The following DAB2IP variants were observed in gnomAD, a reference collection of about 807,000 sequenced individuals.
The protein encoded by DAB2IP is disabled homolog 2-interacting protein.
Under a neutral mutation model 107.2 loss-of-function variants are expected in DAB2IP, and 28 were observed. That is an observed-to-expected ratio of 0.26 (90% confidence interval 0.19 to 0.36). DAB2IP has a LOEUF of 0.36. Ranked by LOEUF, DAB2IP falls within the 10% of genes least tolerant of loss-of-function variation. DAB2IP has a pLI of 1.00. For synonymous variants in DAB2IP, 755 were observed against 706.4 expected (o/e 1.07, Z -1.09); for missense variants, 1,400 against 1,644.7 (o/e 0.85, Z 2.57).
Position 121,742,887 on chromosome 9 carries a change from A to G in DAB2IP, c.363-14126A>G, listed in dbSNP as rs984236774. On this transcript the variant is annotated intron_variant, in intron 3 of 15. Coordinates refer to ENST00000408936, the Ensembl canonical transcript of DAB2IP. ...CCGACCCCACAGGGTTCTGAGGCTC[A>G]AACTGAAAGCCTGGTGGTGGGGCAC... is the stretch of plus-strand genomic sequence containing the variant. 47 of 985,370 alleles carry G rather than the reference A, an allele frequency of 4.8e-5. 1 individual carries two copies. The highest frequency in any genetic ancestry group is 1.2e-5 in the Non-Finnish European group (10 of 829,960). 61.0% of individuals were successfully genotyped at this position (985,370 alleles called of 1,614,324 possible).
chr9:121,613,780 G>A (rs1040524750), intron 1 of DAB2IP, among the ~76,000 whole-genome samples: 1 of 152,222 alleles, frequency 6.6e-6, no homozygotes, highest in Non-Finnish European at 1.5e-5. Context: ...TGGGATAGTT[G>A]AAAAGACTCC....
intron 3 of DAB2IP, among the ~76,000 whole-genome samples, chr9:121,718,314 G>C (rs1375317870): frequency 6.6e-6 from 1 of 152,210 alleles, no homozygotes; most frequent in Non-Finnish European, 1.5e-5. Context: ...TGGTGCAAGG[G>C]AGGCGTGGGC....
At chr9:121,626,058 A>G (rs1831635157) in intron 1 of DAB2IP, among the ~76,000 whole-genome samples, 1 of 152,062 alleles carries the variant, frequency 6.6e-6, no homozygotes, top group African/African-American at 2.4e-5. Flanking sequence ...GGGCCCTGGG[A>G]GCCCCCTCTG....
chr9:121,582,331 C>G (rs555090624), intron 1 of DAB2IP, among the ~76,000 whole-genome samples: 1 of 152,270 alleles, frequency 6.6e-6, no homozygotes, highest in South Asian at 2.1e-4. Context: ...GAGCAGCCGG[C>G]AGCCCAAAGC....
At position 121,698,810 on chromosome 9, in the gene DAB2IP, C is replaced by CGGAG. The variant is rs957775917; in HGVS notation, c.229-513_229-510dup. 6.6e-6 allele frequency among the ~76,000 whole-genome samples: 1 copy of CGGAG among 152,130 alleles called. No individual in the cohort carries two copies. Among genetic ancestry groups the CGGAG allele is most frequent in the Non-Finnish European group, 1.5e-5 (1 of 68,020 alleles). ...GGGCTGGAGAGCAGCGACCTCGCAG[C>CGGAG]GGAGGAAGGCGCTTTGTCAATCCCC... On this transcript the variant is annotated intron_variant, in intron 2 of 15. Coordinates refer to ENST00000408936, the Ensembl canonical transcript of DAB2IP. The surrounding 1 kb of genome is among the most constrained non-coding windows in gnomAD (Gnocchi z 4.1).
intron 3 of DAB2IP, chr9:121,752,831 G>C (rs540409376): frequency 2.4e-4 from 37 of 152,378 alleles, no homozygotes; most frequent in Admixed American, 6.5e-4. Flanking sequence ...TGTCTTCACA[G>C]CACTTTCAGC....
chr9:121,587,823 G>A (rs937270343), intron 1 of DAB2IP, among the ~76,000 whole-genome samples: 6 of 151,774 alleles, frequency 4.0e-5, no homozygotes, highest in African/African-American at 1.5e-4. Context: ...GGCCAAAAGG[G>A]GATAAAAAAT....
At chr9:121,642,000 TCTCTCTCTCTCTCTC>T (rs1832340632) in intron 1 of DAB2IP, among the ~76,000 whole-genome samples, 3 of 18,312 alleles carry the variant, frequency 1.6e-4, no homozygotes, top group African/African-American at 8.1e-4. Context: ...TTCCTTTCTC[TCTCTCTCTCTCTCTC>T]TCTCTCTCTC....
At chr9:121,686,018 GGGCCAGAGTA>G in intron 2 of DAB2IP, among the ~76,000 whole-genome samples, 1 of 152,304 alleles carries the variant, frequency 6.6e-6, no homozygotes, top group Admixed American at 6.5e-5. Context: ...GAGGTGAGGT[GGGCCAGAGTA>G]GGCCAGAGCA....
intron 1 of DAB2IP, among the ~76,000 whole-genome samples, chr9:121,602,854 C>A (rs1044921817): frequency 3.3e-5 from 5 of 152,214 alleles, no homozygotes; most frequent in African/African-American, 1.2e-4. Context: ...GGATTACAGG[C>A]GTGAGCCACC....
rs547069261 is a variant in DAB2IP at position 121,736,418 on chromosome 9, C to G, written c.363-20595C>G. ...CCCCTGCTCCAGGGCCTGCGCGTCC[C>G]GCCCGCCCGGCGTGCCGAAGCGCAG... On this transcript the variant is annotated intron_variant, in intron 3 of 15. Transcript: ENST00000408936. This position sits in a 1 kb window ranked among gnomAD's most constrained non-coding sequence, Gnocchi z 4.6. Among the ~76,000 whole-genome samples, 1 of 152,308 alleles carries G rather than the reference C, an allele frequency of 6.6e-6. No homozygotes were observed. Among genetic ancestry groups the G allele is most frequent in the Admixed American group, 6.5e-5 (1 of 15,310 alleles).
At chr9:121,582,413 G>A (rs1160289618) in intron 1 of DAB2IP, among the ~76,000 whole-genome samples, 1 of 151,988 alleles carries the variant, frequency 6.6e-6, no homozygotes, top group East Asian at 1.9e-4. Flanking sequence ...AGGAGGGTGC[G>A]GGCTGTGGGG....
At chr9:121,712,586 C>CT (rs1200079525) in intron 3 of DAB2IP, among the ~76,000 whole-genome samples, 2 of 152,156 alleles carry the variant, frequency 1.3e-5, no homozygotes, top group African/African-American at 4.8e-5. Context: ...AATTTTCCCT[C>CT]TGACGCATGG....
At chr9:121,744,018 C>G (rs1428540095) in intron 3 of DAB2IP, among the ~76,000 whole-genome samples, 2 of 152,108 alleles carry the variant, frequency 1.3e-5, no homozygotes, top group African/African-American at 4.8e-5. Flanking sequence ...TTGCTCTGTC[C>G]CCCAGGCGCG....
chr9:121,768,340 G>A (rs1834445025), intron 9 of DAB2IP, 92 bp from the exon 10 acceptor site: 1 of 1,362,782 alleles, frequency 7.3e-7, no homozygotes, highest in Non-Finnish European at 1.0e-6. Context: ...CTGCCATAGT[G>A]GGGAAAGCGG....
intron 3 of DAB2IP, among the ~76,000 whole-genome samples, chr9:121,721,869 G>T (rs1830955327): frequency 6.6e-6 from 1 of 152,198 alleles, no homozygotes; most frequent in South Asian, 2.1e-4. Context: ...ATCTGCCTGA[G>T]CATTTTCAGG....
At chr9:121,696,611 C>G (rs529561168) in intron 2 of DAB2IP, among the ~76,000 whole-genome samples, 39 of 152,252 alleles carry the variant, frequency 2.6e-4, no homozygotes, top group African/African-American at 8.0e-4. Flanking sequence ...TGTGGCTGGG[C>G]AGAGCAGAGC....
chr9:121,609,725 TA>T (rs1831023246), intron 1 of DAB2IP, among the ~76,000 whole-genome samples: 2 of 152,250 alleles, frequency 1.3e-5, no homozygotes, highest in Admixed American at 1.3e-4. Context: ...TGGGTTTGCC[TA>T]AAACTTCATG....
chr9:121,670,846 A>ATC (rs983378946), intron 1 of DAB2IP, among the ~76,000 whole-genome samples: 1 of 151,754 alleles, frequency 6.6e-6, no homozygotes, highest in African/African-American at 2.4e-5. Context: ...GTGAAGCCCC[A>ATC]TCTCTACTAA....
Sources: gnomAD v4.1 joint callset for allele counts (sites outside exome capture counted in the v4.1 genomes callset) on GRCh38, gnomAD v4.1.1 for gene constraint, Gnocchi (gnomAD v3.1) non-coding constraint, MANE v1.5 for transcripts, NCBI Gene and HGNC (gene_info 2026-07-23, HGNC 2026-07-21) for gene names.